The following PRPF6 variants were observed in gnomAD, a reference collection of about 807,000 sequenced individuals.
The protein encoded by PRPF6 is pre-mRNA-processing factor 6.
Under a neutral mutation model 118.3 loss-of-function variants are expected in PRPF6, and 42 were observed. The ratio of observed to expected loss-of-function variants is 0.35; its 90% CI spans 0.28 to 0.46. The LOEUF is 0.46. Among genes scored for constraint, PRPF6 ranks in the 20% least tolerant of loss-of-function variants. The pLI is 1.00. For missense variants in PRPF6, 662 were observed against 1,255.7 expected (o/e 0.53, Z 7.15); for synonymous variants, 481 against 485.1 (o/e 0.99, Z 0.11).
rs1182323129 is a variant in PRPF6 at position 63,999,583 on chromosome 20, G to C, written c.867-20G>C. 6.2e-7 allele frequency: 1 copy of C among 1,613,714 alleles called. No homozygotes were observed. Among genetic ancestry groups the C allele is most frequent in the Non-Finnish European group, 8.5e-7 (1 of 1,180,032 alleles). On this transcript the variant is annotated intron_variant, in intron 7 of 20. Coordinates refer to ENST00000266079, the MANE Select transcript of PRPF6 (RefSeq NM_012469.4). ...CCCTGACAGCATGGCCTGATGCCGT[G>C]TGCACTCTCCCTCTCATAGTGATAT...
At chr20:64,022,612 T>G in intron 12 of PRPF6, 145 bp from the exon 13 acceptor site, 2 of 1,283,952 alleles carry the variant, frequency 1.6e-6, no homozygotes, top group Non-Finnish European at 2.2e-6. Context: ...CTGGCCTGGA[T>G]TGTGGTTCTA....
At chr20:64,010,491 G>T (rs554889159) in intron 10 of PRPF6, among the ~76,000 whole-genome samples, 173 bp downstream of exon 10, 1 of 152,370 alleles carries the variant, frequency 6.6e-6, no homozygotes, top group South Asian at 2.1e-4. Context: ...TAGCCGCTAG[G>T]CAGGGTGGTC....
At chr20:63,994,867 A>G (rs1022148334) in intron 4 of PRPF6, 49 bp from the exon 5 acceptor site, 2 of 1,613,054 alleles carry the variant, frequency 1.2e-6, no homozygotes, top group Non-Finnish European at 8.5e-7. Flanking sequence ...ACCTGGGCAC[A>G]TGAAATTCTG....
chr20:64,005,081 C>G (rs1033400317), intron 9 of PRPF6, among the ~76,000 whole-genome samples: 1 of 152,188 alleles, frequency 6.6e-6, no homozygotes, highest in African/African-American at 2.4e-5. Flanking sequence ...AGGCCAACTT[C>G]AGGGGTGTGT....
chr20:64,032,596 A>G (rs2059320096), intron 20 of PRPF6, among the ~76,000 whole-genome samples: 1 of 152,220 alleles, frequency 6.6e-6, no homozygotes, highest in South Asian at 2.1e-4. Flanking sequence ...AGACATGGGG[A>G]GCCTGGCTCA....
In PRPF6 at chr20:64,025,686, G is replaced by C. The variant is rs1029653783; in HGVS notation, c.1909-253G>C. 6.6e-6 allele frequency among the ~76,000 whole-genome samples: 1 copy of C among 152,250 alleles called. No homozygotes were observed. Among genetic ancestry groups the C allele is most frequent in the East Asian group, 1.9e-4 (1 of 5,198 alleles). ...CCTGCACCTGCCCCCGTTATTGCTCGAGTGCTTTAGCAGCCTCTTCACTGT... is the reference window on the plus strand; with the variant it reads ...CCTGCACCTGCCCCCGTTATTGCTCCAGTGCTTTAGCAGCCTCTTCACTGT... On this transcript the variant is annotated intron_variant, in intron 14 of 20. Transcript: ENST00000266079.
At position 64,010,400 on chromosome 20, in the gene PRPF6, C is replaced by CA. The variant is rs1383635280; in HGVS notation, c.1305+84dup. ...GGTTCAGTGTCTGGAAGTGATGATACAAGTGGAGCATTGAGCTCACTCAGG... is the reference window on the plus strand; with the variant it reads ...GGTTCAGTGTCTGGAAGTGATGATACAAAGTGGAGCATTGAGCTCACTCAGG... On this transcript the variant is annotated intron_variant, in intron 10 of 20. Transcript: ENST00000266079. The CA allele has an allele frequency of 5.2e-6, 6 of 1,150,332 alleles. No individual in the cohort carries two copies. The African/African-American group carries it at 7.6e-5, about 14-fold the overall frequency. The allele number at this position is 1,150,332 out of a possible 1,614,324, so 71.3% of individuals were successfully genotyped here.
chr20:64,024,508 C>T, intron 13 of PRPF6, 47 bp from the exon 14 acceptor site: 1 of 1,611,638 alleles, frequency 6.2e-7, no homozygotes, highest in Non-Finnish European at 8.5e-7. Flanking sequence ...GATGTGTGTT[C>T]TGGTTTATGG....
chr20:64,011,266 T>A lies in PRPF6; in HGVS notation c.1306-19T>A. 1 of 1,613,148 alleles carries A rather than the reference T, an allele frequency of 6.2e-7. No individual in the cohort carries two copies. On this transcript the variant is annotated intron_variant, in intron 10 of 20. Transcript: ENST00000266079. The surrounding 1 kb of genome is among the most constrained non-coding windows in gnomAD (Gnocchi z 6.7). ...CCAGCACAGTGTCCTCTCCTTTTTC[T>A]CGTGTCCTCTCCGCGTAGCTCTGGC...
chr20:63,986,191 A>AT (rs2059092307), intron 3 of PRPF6, among the ~76,000 whole-genome samples: 1 of 151,770 alleles, frequency 6.6e-6, no homozygotes, highest in African/African-American at 2.4e-5. Flanking sequence ...AAATACAAAA[A>AT]TTAGCCGGGC....
In PRPF6 at chr20:64,032,832, T is replaced by TC. The variant is rs754480432; in HGVS notation, c.2674-3dup. 2.5e-6 allele frequency: 4 copies of TC among 1,603,558 alleles called. No homozygotes were observed. The highest frequency in any genetic ancestry group is 3.4e-6 in the Non-Finnish European group (4 of 1,176,284). On this transcript the variant is annotated splice_polypyrimidine_tract_variant and intron_variant, in intron 20 of 20. Transcript: ENST00000266079. Reference sequence around the variant, plus strand: ...GACCCCTGCCTGACGTGCCCTGTGGTCCCCCCAGGAGCAGCAGGAGGAGGT... The same window carrying TC: ...GACCCCTGCCTGACGTGCCCTGTGGTCCCCCCCAGGAGCAGCAGGAGGAGGT...
At chr20:64,014,087 G>A (rs534843854) in intron 11 of PRPF6, among the ~76,000 whole-genome samples, 4 of 151,912 alleles carry the variant, frequency 2.6e-5, no homozygotes, top group Admixed American at 6.6e-5. Context: ...ACAGGCATGC[G>A]CCACCACACC....
chr20:63,999,286 A>G, intron 7 of PRPF6, 147 bp downstream of exon 7: 1 of 766,012 alleles, frequency 1.3e-6, no homozygotes, highest in Non-Finnish European at 2.3e-6. Flanking sequence ...TCCATTTGAA[A>G]TGTATCTGTA....
intron 9 of PRPF6, among the ~76,000 whole-genome samples, chr20:64,003,366 G>C (rs1363084455): frequency 1.3e-5 from 2 of 152,178 alleles, no homozygotes; most frequent in Non-Finnish European, 2.9e-5. Flanking sequence ...TCCCATTGAG[G>C]CTTCTGTGCT....
chr20:63,999,532 G>A lies in PRPF6; in HGVS notation c.867-71G>A, dbSNP rs184303844. 1.2e-5 allele frequency: 19 copies of A among 1,579,160 alleles called. No homozygotes were observed. The East Asian group carries it at 4.0e-4, about 33-fold the overall frequency. On this transcript the variant is annotated intron_variant, in intron 7 of 20. Coordinates refer to ENST00000266079, the MANE Select transcript of PRPF6 (RefSeq NM_012469.4). ...CTTACATTGTGACTGTGAAGTGGGT[G>A]CCCTCATCCCAGGTCTCGGGTGCAC...
intron 14 of PRPF6, 110 bp from the exon 15 acceptor site, chr20:64,025,829 A>G: frequency 6.3e-7 from 1 of 1,591,416 alleles, no homozygotes; most frequent in Non-Finnish European, 8.6e-7. Context: ...CTAATCCTGT[A>G]GCAGAGCAAG....
intron 3 of PRPF6, among the ~76,000 whole-genome samples, chr20:63,987,478 GAAAAA>G (rs909655561): frequency 1.2e-4 from 17 of 145,200 alleles, no homozygotes; most frequent in Admixed American, 2.1e-4. Flanking sequence ...GTGTCGCAAA[GAAAAA>G]AAAAAGCCAC....
chr20:63,996,408 G>C (rs142994372), intron 6 of PRPF6, among the ~76,000 whole-genome samples: 8 of 152,236 alleles, frequency 5.3e-5, no homozygotes, highest in African/African-American at 1.9e-4. Flanking sequence ...TGACCTCCCT[G>C]GGCTAAGGCG....
chr20:64,021,235 C>T (rs145581894), intron 12 of PRPF6, among the ~76,000 whole-genome samples: 3 of 151,636 alleles, frequency 2.0e-5, no homozygotes, highest in Non-Finnish European at 4.4e-5. Flanking sequence ...AGCCCCATGT[C>T]TGTGTGTGCG....
Sources: allele counts gnomAD v4.1 joint callset (sites outside exome capture counted in the v4.1 genomes callset), GRCh38; gene constraint gnomAD v4.1.1; non-coding constraint Gnocchi (gnomAD v3.1); transcripts MANE v1.5; gene names NCBI Gene and HGNC (gene_info 2026-07-23, HGNC 2026-07-21).